Variants in TAOK1 observed in about 807,000 individuals in gnomAD.
The protein encoded by TAOK1 is serine/threonine-protein kinase TAO1.
Under a neutral mutation model 138.3 loss-of-function variants are expected in TAOK1, and 21 were observed. The observed-to-expected ratio is 0.15, with a 90% CI of 0.11 to 0.22. TAOK1 has a LOEUF of 0.22. TAOK1 is among the 10% of genes least tolerant of loss of function. TAOK1 has a pLI of 1.00. For synonymous variants in TAOK1, 361 were observed against 398.4 expected (o/e 0.91, Z 1.12); for missense variants, 651 against 1,227.7 (o/e 0.53, Z 7.02).
At chr17:29,452,966 C>G (rs1219625462) in intron 2 of TAOK1, among the ~76,000 whole-genome samples, 1 of 152,066 alleles carries the variant, frequency 6.6e-6, no homozygotes, top group African/African-American at 2.4e-5. Flanking sequence ...GGTTGAGTCC[C>G]TGTTTTCAAT....
At chr17:29,413,719 C>T (rs1905197912) in intron 1 of TAOK1, among the ~76,000 whole-genome samples, 1 of 152,144 alleles carries the variant, frequency 6.6e-6, no homozygotes, top group African/African-American at 2.4e-5. Flanking sequence ...AACCCTCAAG[C>T]AAACCCTGCA....
At position 29,543,737 on chromosome 17, in the gene TAOK1, T is replaced by G. The variant is rs2032357209; in HGVS notation, c.*715T>G. The G allele has an allele frequency of 6.6e-6, 1 of 152,294 alleles. No individual in the cohort carries two copies. Among genetic ancestry groups the G allele is most frequent in the South Asian group, 2.1e-4 (1 of 4,830 alleles). The allele number at this position is 152,294 out of a possible 1,614,324, so 9.4% of individuals were successfully genotyped here. A position where few individuals can be genotyped will look rare whatever the true frequency, so the allele number is the denominator to read the frequency against. On this transcript the variant is annotated 3_prime_UTR_variant, in exon 20 of 20. Transcript: ENST00000261716. ...TAGTTTTTCTTTTTTCCTGAATGCGTCATAGGCTTGTGAGTGATTTTTGTC... is the reference window on the plus strand; with the variant it reads ...TAGTTTTTCTTTTTTCCTGAATGCGGCATAGGCTTGTGAGTGATTTTTGTC...
intron 1 of TAOK1, among the ~76,000 whole-genome samples, chr17:29,450,701 A>G (rs542280599): frequency 6.6e-6 from 1 of 152,210 alleles, no homozygotes; most frequent in African/African-American, 2.4e-5. Context: ...ATTTTTGTAG[A>G]GGCAGGGTCT....
intron 1 of TAOK1, among the ~76,000 whole-genome samples, chr17:29,447,190 A>G (rs1436517312): frequency 6.6e-6 from 1 of 151,984 alleles, no homozygotes; most frequent in Non-Finnish European, 1.5e-5. Context: ...AGCTGGGACT[A>G]TAGGCACCCA....
chr17:29,396,044 A>C (rs1356333419), intron 1 of TAOK1, among the ~76,000 whole-genome samples: 1 of 152,040 alleles, frequency 6.6e-6, no homozygotes, highest in African/African-American at 2.4e-5. Context: ...ATATGAGAGG[A>C]TACAACCTGT....
chr17:29,486,150 A>G (rs1340137634), intron 8 of TAOK1, among the ~76,000 whole-genome samples: 1 of 151,898 alleles, frequency 6.6e-6, no homozygotes, highest in Non-Finnish European at 1.5e-5. Flanking sequence ...TTAATTTGGC[A>G]TGGTGACATG....
At chr17:29,497,085 A>G (rs1290768419) in intron 11 of TAOK1, among the ~76,000 whole-genome samples, 1 of 151,680 alleles carries the variant, frequency 6.6e-6, no homozygotes, top group Non-Finnish European at 1.5e-5. Flanking sequence ...ATGAAGCAAT[A>G]TACATATTAA....
At chr17:29,519,184 G>A (rs949213017) in intron 16 of TAOK1, among the ~76,000 whole-genome samples, 3 of 151,682 alleles carry the variant, frequency 2.0e-5, no homozygotes, top group Non-Finnish European at 4.4e-5. Flanking sequence ...TATTAATTGG[G>A]TAAATGTTGT....
At chr17:29,532,354 G>GTTTTTTTTTTTTTTTTTTTTTTTTTTTT in intron 18 of TAOK1, among the ~76,000 whole-genome samples, 1 of 143,074 alleles carries the variant, frequency 7.0e-6, no homozygotes, top group Non-Finnish European at 1.5e-5. Flanking sequence ...GTTTGTTTGT[G>GTTTTTTTTTTTTTTTTTTTTTTTTTTTT]GTTTTTTTTT....
intron 16 of TAOK1, among the ~76,000 whole-genome samples, chr17:29,520,759 C>T (rs1305553942): frequency 2.0e-5 from 3 of 149,248 alleles, no homozygotes; most frequent in Non-Finnish European, 3.0e-5. Context: ...GTAGTAGTGG[C>T]TCACGCCTGT....
At chr17:29,424,191 CTT>C (rs1232259341) in intron 1 of TAOK1, among the ~76,000 whole-genome samples, 10 of 151,832 alleles carry the variant, frequency 6.6e-5, no homozygotes, top group Admixed American at 5.3e-4. Context: ...CAAGTTAGCA[CTT>C]TGGGAGGCCG....
At position 29,548,996 on chromosome 17, in the gene TAOK1, C is replaced by G. The variant is rs2032447310; in HGVS notation, c.*5974C>G. On this transcript the variant is annotated 3_prime_UTR_variant, in exon 20 of 20. Transcript: ENST00000261716. ...CAATCATGAATGAGGTAGGGAGCCT[C>G]TCTCCCCCAGTGGCCATGTTTACAA... 1 of 152,094 alleles carries G rather than the reference C, an allele frequency of 6.6e-6. No individual in the cohort carries two copies. The highest frequency in any genetic ancestry group is 1.5e-5 in the Non-Finnish European group (1 of 67,994). The allele number at this position is 152,094 out of a possible 1,614,324, so 9.4% of individuals were successfully genotyped here.
At chr17:29,498,841 G>C (rs1021473057) in intron 12 of TAOK1, among the ~76,000 whole-genome samples, 1 of 151,906 alleles carries the variant, frequency 6.6e-6, no homozygotes, top group Non-Finnish European at 1.5e-5. Context: ...TGGGAGAATC[G>C]CTTGAACCTG....
At chr17:29,451,818 G>A (rs1029171337) in intron 2 of TAOK1, 138 bp downstream of exon 2, 23 of 883,822 alleles carry the variant, frequency 2.6e-5, no homozygotes, top group South Asian at 4.6e-5. Flanking sequence ...GAGAGAGCGC[G>A]AGAGCGAGAG....
chr17:29,421,912 CT>C (rs951520222), intron 1 of TAOK1, among the ~76,000 whole-genome samples: 1 of 149,866 alleles, frequency 6.7e-6, no homozygotes, highest in South Asian at 2.1e-4. Flanking sequence ...TCTATTTATC[CT>C]TTTTTTTTGA....
At chr17:29,494,375 G>A (rs2031368166) in intron 10 of TAOK1, among the ~76,000 whole-genome samples, 12 of 152,044 alleles carry the variant, frequency 7.9e-5, no homozygotes, top group Admixed American at 5.9e-4. Context: ...TGGACATGGT[G>A]GTGCACACCT....
chr17:29,521,672 T>C (rs2031919002), intron 16 of TAOK1, among the ~76,000 whole-genome samples: 1 of 152,200 alleles, frequency 6.6e-6, no homozygotes, highest in South Asian at 2.1e-4. Context: ...AAGCTCCGCC[T>C]CCTGAGTTCA....
At chr17:29,414,424 A>T (rs1481889541) in intron 1 of TAOK1, among the ~76,000 whole-genome samples, 1 of 148,214 alleles carries the variant, frequency 6.7e-6, no homozygotes, top group East Asian at 2.0e-4. Flanking sequence ...TAATTTTTGT[A>T]TTTTTAGTAG....
In TAOK1 at chr17:29,517,084, T is replaced by C. The variant is rs920444078; in HGVS notation, c.1705-369T>C. 5.3e-5 allele frequency among the ~76,000 whole-genome samples: 8 copies of C among 152,088 alleles called. No individual in the cohort carries two copies. In the South Asian group the frequency reaches 8.3e-4, roughly 16 times the overall value. On this transcript the variant is annotated intron_variant, in intron 15 of 19. Coordinates refer to ENST00000261716, the MANE Select transcript of TAOK1 (RefSeq NM_020791.4). ...TCACTGCAAGCTCCGCCTCCCAGGT[T>C]CACACCATTCTCCTGCCTCAGCCTC...
Sources: gnomAD v4.1 joint callset for allele counts (sites outside exome capture counted in the v4.1 genomes callset) on GRCh38, gnomAD v4.1.1 for gene constraint, MANE v1.5 for transcripts, NCBI Gene and HGNC (gene_info 2026-07-23, HGNC 2026-07-21) for gene names.